PPFIA2: variants seen among roughly 807,000 people sequenced by gnomAD.
PPFIA2 encodes PPFI scaffold protein A2.
A neutral mutation model predicts 175.5 loss-of-function variants in PPFIA2; 46 were observed. That is an observed-to-expected ratio of 0.26 (90% CI 0.21 to 0.34). The LOEUF is 0.34. Ranked by LOEUF, PPFIA2 falls within the 10% of genes least tolerant of loss-of-function variation. The pLI, the probability that PPFIA2 is intolerant of heterozygous loss-of-function variation, is 1.00. For synonymous variants in PPFIA2, 568 were observed against 511.4 expected, an observed-to-expected ratio of 1.11 and a Z score of -1.49; for missense variants, 1,179 against 1,506.1, an observed-to-expected ratio of 0.78 and a Z score of 3.60.
chr12:81,640,608 C>T (rs1427967411), intron 4 of PPFIA2, among the ~76,000 whole-genome samples: 1 of 152,016 alleles, frequency 6.6e-6, no homozygotes. Flanking sequence ...TTTTCTAGTG[C>T]CCCATCATCC....
At chr12:81,671,543 G>T (rs1016507467) in intron 4 of PPFIA2, among the ~76,000 whole-genome samples, 1 of 151,616 alleles carries the variant, frequency 6.6e-6, no homozygotes, top group Admixed American at 6.6e-5. Context: ...TCTCTAATTC[G>T]CTCTCCAACT....
intron 4 of PPFIA2, among the ~76,000 whole-genome samples, chr12:81,475,073 C>T (rs2057307068): frequency 6.6e-6 from 1 of 152,122 alleles, no homozygotes; most frequent in South Asian, 2.1e-4. Flanking sequence ...TGTTAGTAAT[C>T]TTGGATAGTC....
chr12:81,689,556 T>C (rs1173509190), intron 3 of PPFIA2, among the ~76,000 whole-genome samples: 1 of 152,028 alleles, frequency 6.6e-6, no homozygotes, highest in East Asian at 1.9e-4. Context: ...GTAGGAGTTG[T>C]AGAGCACAGC....
Position 81,347,610 on chromosome 12 carries a change from G to A in PPFIA2, c.2155C>T (p.Pro719Ser), listed in dbSNP as rs1325796488. The change falls in exon 18 of 33, where the codon CCC (proline) becomes TCC (serine). Residue 719 changes from proline to serine, a missense_variant. Around this residue, in one of 10 missense-constraint regions of PPFIA2, gnomAD observed 223 missense variants for 241.6 expected, o/e 0.92. Coordinates refer to ENST00000549396, the MANE Select transcript of PPFIA2 (RefSeq NM_003625.5). Reference protein sequence around the residue: ...TASSLASSSPPSGHSTPKLTP... With the variant: ...TASSLASSSPSSGHSTPKLTP... ...AGCTTTGGAGTTGAGTGTCCACTGG[G>A]GGGAGATGAACTGGCCAGCGATGAA... The A allele has an allele frequency of 1.2e-6, 2 of 1,613,640 alleles. No homozygotes were observed. The highest frequency in any genetic ancestry group is 2.7e-5 in the African/African-American group (2 of 74,894).
chr12:81,729,931 A>T (rs565769935), intron 3 of PPFIA2, among the ~76,000 whole-genome samples: 50 of 151,674 alleles, frequency 3.3e-4, no homozygotes, highest in African/African-American at 1.2e-3. Context: ...CAACAAGTGG[A>T]ATGAGCTTGG....
chr12:81,679,493 GT>G (rs1256783834), intron 3 of PPFIA2, among the ~76,000 whole-genome samples: 1 of 151,802 alleles, frequency 6.6e-6, no homozygotes, highest in Non-Finnish European at 1.5e-5. Flanking sequence ...GTTGTGCCAA[GT>G]TTCAGATTTT....
chr12:81,619,972 A>C (rs2061849717), intron 4 of PPFIA2, among the ~76,000 whole-genome samples: 1 of 152,032 alleles, frequency 6.6e-6, no homozygotes, highest in Non-Finnish European at 1.5e-5. Flanking sequence ...ATCCTGGCTA[A>C]GGCAGTGAAA....
intron 7 of PPFIA2, among the ~76,000 whole-genome samples, chr12:81,407,995 C>A (rs1218862234): frequency 3.3e-5 from 5 of 152,062 alleles, no homozygotes; most frequent in Non-Finnish European, 7.4e-5. Flanking sequence ...TGAAGTAGCA[C>A]ATCAAATTAT....
At chr12:81,553,165 C>T (rs1336913228) in intron 4 of PPFIA2, among the ~76,000 whole-genome samples, 1 of 151,774 alleles carries the variant, frequency 6.6e-6, no homozygotes. Flanking sequence ...GAGCTGTAAT[C>T]TGAGCTAAGG....
chr12:81,470,735 G>A (rs1566959522), intron 4 of PPFIA2, among the ~76,000 whole-genome samples: 2 of 152,014 alleles, frequency 1.3e-5, no homozygotes, highest in Admixed American at 6.6e-5. Flanking sequence ...ATTTCATATC[G>A]TTTTATTTTC....
Position 81,586,037 on chromosome 12 carries a change from C to G in PPFIA2, c.303+90754G>C, listed in dbSNP as rs1321850008. Among the ~76,000 whole-genome samples the G allele has an allele frequency of 2.0e-5, 3 of 151,876 alleles. No individual in the cohort carries two copies. In the Admixed American group the frequency reaches 2.0e-4, roughly 10 times the overall value. On this transcript the variant is annotated intron_variant, in intron 4 of 32. Coordinates refer to ENST00000549396, the MANE Select transcript of PPFIA2 (RefSeq NM_003625.5). Reference sequence around the variant, plus strand: ...TCAGTTGCATTGTAATCTTATAGGACCACCATTATATATGCACTTTGTCAT... The same window carrying G: ...TCAGTTGCATTGTAATCTTATAGGAGCACCATTATATATGCACTTTGTCAT...
chr12:81,508,565 A>G (rs1240542886), intron 4 of PPFIA2, among the ~76,000 whole-genome samples: 2 of 150,590 alleles, frequency 1.3e-5, no homozygotes, highest in Non-Finnish European at 3.0e-5. Context: ...AACTTAAAGA[A>G]TTATAAATAG....
At chr12:81,278,456 G>A (rs1424835341) in intron 27 of PPFIA2, among the ~76,000 whole-genome samples, 11 of 150,902 alleles carry the variant, frequency 7.3e-5, no homozygotes, top group African/African-American at 1.2e-4. Context: ...CAGAAGAATC[G>A]CTTGAGCCCG....
At chr12:81,589,039 A>G (rs1259826685) in intron 4 of PPFIA2, among the ~76,000 whole-genome samples, 1 of 152,160 alleles carries the variant, frequency 6.6e-6, no homozygotes, top group Non-Finnish European at 1.5e-5. Context: ...ACTAAATCAG[A>G]ATACCAGCAA....
chr12:81,689,464 G>A (rs1330625596), intron 3 of PPFIA2, among the ~76,000 whole-genome samples: 1 of 151,894 alleles, frequency 6.6e-6, no homozygotes, highest in African/African-American at 2.4e-5. Context: ...TAATACTATT[G>A]AATGGAAATG....
intron 11 of PPFIA2, among the ~76,000 whole-genome samples, chr12:81,369,961 T>G (rs920754798): frequency 2.0e-5 from 3 of 151,776 alleles, no homozygotes; most frequent in African/African-American, 2.4e-5. Context: ...AGGTTAGTGA[T>G]GGCTGGCAAT....
At chr12:81,513,398 G>A (rs1226542456) in intron 4 of PPFIA2, among the ~76,000 whole-genome samples, 1 of 151,938 alleles carries the variant, frequency 6.6e-6, no homozygotes, top group African/African-American at 2.4e-5. Flanking sequence ...CCCCACTACT[G>A]GGTATCTACC....
At chr12:81,439,713 A>G (rs1205363524) in intron 7 of PPFIA2, among the ~76,000 whole-genome samples, 3 of 152,184 alleles carry the variant, frequency 2.0e-5, no homozygotes. Flanking sequence ...TTCTGCCTGT[A>G]GTCTTTCTAA....
At chr12:81,430,337 C>T (rs2047877705) in intron 7 of PPFIA2, 1 of 152,186 alleles carries the variant, frequency 6.6e-6, no homozygotes, top group East Asian at 1.9e-4. Context: ...AGAGTATTAC[C>T]TTCTTTCATT....
Sources: gnomAD v4.1 joint callset for allele counts (sites outside exome capture counted in the v4.1 genomes callset) on GRCh38, gnomAD v4.1.1 for gene constraint, gnomAD v4.1.1 regional missense constraint, MANE v1.5 for transcripts, NCBI Gene and HGNC (gene_info 2026-07-23, HGNC 2026-07-21) for gene names.